Variants in CAMK4 observed in about 807,000 individuals in gnomAD.
CAMK4 encodes the protein calcium/calmodulin dependent protein kinase IV, also known as calcium/calmodulin-dependent protein kinase type IV.
In CAMK4, 22 loss-of-function variants were observed where a neutral mutation model predicts 44.9. The ratio of observed to expected loss-of-function variants is 0.49; its 90% CI spans 0.35 to 0.70. The LOEUF (loss-of-function observed/expected upper bound fraction) is 0.70. Among genes scored for constraint, CAMK4 ranks in the 30% least tolerant of loss-of-function variants. The pLI, the probability that CAMK4 is intolerant of heterozygous loss-of-function variation, is 0.01. For missense variants in CAMK4, 498 were observed against 586.8 expected (o/e 0.85, Z 1.56); for synonymous variants, 218 against 215.4 (o/e 1.01, Z -0.11).
At chr5:111,395,675 T>G (rs1751980797) in intron 5 of CAMK4, among the ~76,000 whole-genome samples, 1 of 152,170 alleles carries the variant, frequency 6.6e-6, no homozygotes, top group Non-Finnish European at 1.5e-5. Context: ...TACAAAAATA[T>G]ATACTGTTGA....
At chr5:111,405,121 A>G (rs962486660) in intron 5 of CAMK4, among the ~76,000 whole-genome samples, 1 of 152,218 alleles carries the variant, frequency 6.6e-6, no homozygotes, top group Non-Finnish European at 1.5e-5. Flanking sequence ...GTATCTAGAG[A>G]GAAACTGAGT....
chr5:111,410,022 T>C (rs1752574975), intron 5 of CAMK4, among the ~76,000 whole-genome samples: 1 of 152,194 alleles, frequency 6.6e-6, no homozygotes, highest in Admixed American at 6.5e-5. Flanking sequence ...CATTTTCCAG[T>C]CTTCTTCTGA....
chr5:111,314,812 G>T (rs1430180441), intron 1 of CAMK4, among the ~76,000 whole-genome samples: 10 of 152,006 alleles, frequency 6.6e-5, no homozygotes, highest in Non-Finnish European at 1.5e-4. Flanking sequence ...ACCAATATGG[G>T]AGTTTTTATT....
intron 2 of CAMK4, among the ~76,000 whole-genome samples, chr5:111,347,568 C>G (rs1173653505): frequency 6.6e-6 from 1 of 151,966 alleles, no homozygotes; most frequent in East Asian, 1.9e-4. Context: ...CCAGGGGAGA[C>G]TGGCAGTCCC....
chr5:111,381,904 G>A (rs1751430784), intron 4 of CAMK4, among the ~76,000 whole-genome samples: 1 of 145,468 alleles, frequency 6.9e-6, no homozygotes, highest in South Asian at 2.3e-4. Context: ...GTGAAAAGCA[G>A]TATACTCACT....
intron 1 of CAMK4, among the ~76,000 whole-genome samples, chr5:111,313,370 C>A (rs1281702955): frequency 6.6e-6 from 1 of 152,050 alleles, no homozygotes; most frequent in Non-Finnish European, 1.5e-5. Context: ...CTCTATTGAA[C>A]GGTCTGTTAG....
chr5:111,427,116 A>G (rs1753255005), intron 5 of CAMK4, among the ~76,000 whole-genome samples: 4 of 152,082 alleles, frequency 2.6e-5, no homozygotes, highest in Admixed American at 2.6e-4. Flanking sequence ...AGAGGAGAGG[A>G]AAGAGTTGGA....
intron 7 of CAMK4, among the ~76,000 whole-genome samples, chr5:111,463,347 G>C (rs1754705888): frequency 6.6e-6 from 1 of 152,190 alleles, no homozygotes; most frequent in African/African-American, 2.4e-5. Flanking sequence ...ACAAATGGGA[G>C]AGAATCCACA....
At chr5:111,317,061 G>C (rs879508106) in intron 1 of CAMK4, among the ~76,000 whole-genome samples, 1 of 152,008 alleles carries the variant, frequency 6.6e-6, no homozygotes, top group Admixed American at 6.6e-5. Context: ...CTACTGAAGA[G>C]GCATTAAAAA....
intron 7 of CAMK4, among the ~76,000 whole-genome samples, chr5:111,451,632 A>G (rs1754240620): frequency 6.6e-6 from 1 of 152,100 alleles, no homozygotes; most frequent in South Asian, 2.1e-4. Flanking sequence ...GGCCAGGTGC[A>G]GTGGCTCATG....
chr5:111,436,057 CATA>C (rs758419748), intron 5 of CAMK4, among the ~76,000 whole-genome samples: 5 of 151,948 alleles, frequency 3.3e-5, no homozygotes, highest in Non-Finnish European at 7.4e-5. Context: ...CATTTTTTTG[CATA>C]ATATCTAATT....
At chr5:111,313,294 G>A (rs555087324) in intron 1 of CAMK4, among the ~76,000 whole-genome samples, 15 of 152,258 alleles carry the variant, frequency 9.9e-5, no homozygotes, top group African/African-American at 3.4e-4. Flanking sequence ...TAAGCTGAAT[G>A]TTCTCACTGT....
At chr5:111,458,633 A>G (rs1299683303) in intron 7 of CAMK4, among the ~76,000 whole-genome samples, 1 of 152,212 alleles carries the variant, frequency 6.6e-6, no homozygotes, top group Non-Finnish European at 1.5e-5. Flanking sequence ...AATTTCCCAT[A>G]GAAATTATAA....
intron 5 of CAMK4, among the ~76,000 whole-genome samples, chr5:111,437,812 A>G (rs1323384121): frequency 1.3e-5 from 2 of 152,132 alleles, no homozygotes; most frequent in African/African-American, 2.4e-5. Flanking sequence ...GCTGGAGAGG[A>G]GCATAGGAAC....
At chr5:111,439,165 A>C (rs1753743364) in intron 5 of CAMK4, among the ~76,000 whole-genome samples, 1 of 152,048 alleles carries the variant, frequency 6.6e-6, no homozygotes, top group African/African-American at 2.4e-5. Flanking sequence ...AATCAAACAC[A>C]ACATTGCTGC....
chr5:111,438,967 C>T (rs955802863), intron 5 of CAMK4, among the ~76,000 whole-genome samples: 1 of 152,202 alleles, frequency 6.6e-6, no homozygotes, highest in African/African-American at 2.4e-5. Flanking sequence ...TGCATCCCAC[C>T]TGACCACAGT....
rs139466651 is a variant in CAMK4, at chr5:111,471,466, AC to A, written c.626-1844del. On this transcript the variant is annotated intron_variant, in intron 7 of 10. Transcript: ENST00000282356. ...TTTCTTTAGAACATTGTCCCCACAAACTTTTTATAAAGCCTCAGTGATTTCG... is the reference window on the plus strand; with the variant it reads ...TTTCTTTAGAACATTGTCCCCACAAATTTTTATAAAGCCTCAGTGATTTCG... Among the ~76,000 whole-genome samples the A allele has an allele frequency of 5.9e-3, 906 of 152,284 alleles. 14 individuals carry two copies. Among genetic ancestry groups the A allele is most frequent in the African/African-American group, 0.021 (871 of 41,566 alleles).
intron 1 of CAMK4, among the ~76,000 whole-genome samples, chr5:111,311,236 T>C (rs1233638499): frequency 2.6e-5 from 4 of 152,176 alleles, no homozygotes; most frequent in Admixed American, 2.0e-4. Flanking sequence ...AAAAAAATTA[T>C]AGTTCCTCTT....
At chr5:111,313,766 C>T (rs925850994) in intron 1 of CAMK4, among the ~76,000 whole-genome samples, 1 of 152,084 alleles carries the variant, frequency 6.6e-6, no homozygotes, top group Non-Finnish European at 1.5e-5. Context: ...AAGTGAATTT[C>T]ATCTGGAAGG....
Sources: allele counts gnomAD v4.1 joint callset (sites outside exome capture counted in the v4.1 genomes callset), GRCh38; gene constraint gnomAD v4.1.1; transcripts MANE v1.5; gene names NCBI Gene and HGNC (gene_info 2026-07-23, HGNC 2026-07-21).